PXDNL: variants seen among roughly 807,000 people sequenced by gnomAD.
PXDNL encodes the protein peroxidasin like.
In PXDNL, 145 loss-of-function variants were observed where a neutral mutation model predicts 150.8. The ratio of observed to expected loss-of-function variants is 0.96; its 90% CI spans 0.84 to 1.10. The LOEUF is 1.10. Ranked by LOEUF, PXDNL falls within the 50% of genes least tolerant of loss-of-function variation. The probability of loss-of-function intolerance (pLI) is 0.00; values close to 1 mark genes in which losing one functional copy is unlikely to be tolerated. For synonymous variants in PXDNL, 757 were observed against 725.7 expected (o/e 1.04, Z -0.69); for missense variants, 2,087 against 1,873.9 (o/e 1.11, Z -2.10).
intron 4 of PXDNL, among the ~76,000 whole-genome samples, chr8:51,511,282 G>A (rs961043537): frequency 6.6e-6 from 1 of 152,228 alleles, no homozygotes; most frequent in African/African-American, 2.4e-5. Context: ...CATAGCAGAA[G>A]TCCAAGGCAA....
chr8:51,794,433 T>C (rs773966552), intron 1 of PXDNL, among the ~76,000 whole-genome samples: 5 of 152,012 alleles, frequency 3.3e-5, no homozygotes, highest in Non-Finnish European at 5.9e-5. Flanking sequence ...AGGTCCCCTA[T>C]GAAGGGAAGC....
chr8:51,429,130 A>T (rs1422609521), intron 12 of PXDNL, among the ~76,000 whole-genome samples: 1 of 152,230 alleles, frequency 6.6e-6, no homozygotes, highest in Admixed American at 6.5e-5. Context: ...CCACAATGTG[A>T]TATTACTACA....
chr8:51,809,329 A>G lies in PXDNL; in HGVS notation c.16T>C (p.Phe6Leu), dbSNP rs1181431468. 1.9e-6 allele frequency: 3 copies of G among 1,559,774 alleles called. No homozygotes were observed. Among genetic ancestry groups the G allele is most frequent in the Admixed American group, 2.0e-5 (1 of 51,134 alleles). The stretch of plus-strand genomic sequence containing the variant: ...AGGAGAAAGAGAGTGGTCCAGCAGA[A>G]CAGTCTGGGCTCCATCGCTCCATTC... MEPRLFCWTTLFLLAG... is the reference protein window; with the variant it reads MEPRLLCWTTLFLLAG... The change falls in exon 1 of 23, where the codon TTC becomes CTC. Residue 6 changes from phenylalanine to leucine, a missense_variant. Transcript: ENST00000356297.
At chr8:51,494,525 T>C (rs980665019) in intron 5 of PXDNL, among the ~76,000 whole-genome samples, 10 of 152,042 alleles carry the variant, frequency 6.6e-5, no homozygotes, top group African/African-American at 9.7e-5. Context: ...GTGCTGTATT[T>C]AGCAAACCCA....
chr8:51,453,501 G>C lies in PXDNL; in HGVS notation c.1249+18C>G. On this transcript the variant is annotated intron_variant, in intron 10 of 22. Transcript: ENST00000356297. The stretch of plus-strand genomic sequence containing the variant: ...GTGGCAGGAGGAACATTTCAATCAT[G>C]ACCTTCTGCTCCCATACCTTGTACA... 1 of 1,609,784 alleles carries C rather than the reference G, an allele frequency of 6.2e-7. No individual in the cohort carries two copies. The highest frequency in any genetic ancestry group is 8.5e-7 in the Non-Finnish European group (1 of 1,176,354).
At chr8:51,446,865 A>C in intron 12 of PXDNL, 139 bp downstream of exon 12, 3 of 501,138 alleles carry the variant, frequency 6.0e-6, no homozygotes, top group Non-Finnish European at 9.9e-6. Context: ...GGAAGAAGAT[A>C]TCAAATTTGC....
chr8:51,363,226 T>A (rs1806808142), intron 19 of PXDNL, among the ~76,000 whole-genome samples: 1 of 152,010 alleles, frequency 6.6e-6, no homozygotes, highest in African/African-American at 2.4e-5. Context: ...CCCTTCATAG[T>A]CCTCCTGGGT....
At chr8:51,555,900 G>A (rs1812589446) in intron 4 of PXDNL, among the ~76,000 whole-genome samples, 2 of 152,132 alleles carry the variant, frequency 1.3e-5, no homozygotes, top group Non-Finnish European at 2.9e-5. Flanking sequence ...CTGAAATTAT[G>A]ATGGTGAATC....
At chr8:51,416,635 C>T (rs1454341291) in intron 14 of PXDNL, among the ~76,000 whole-genome samples, 1 of 152,178 alleles carries the variant, frequency 6.6e-6, no homozygotes, top group Non-Finnish European at 1.5e-5. Context: ...AACCTATAGG[C>T]AATCTGTATC....
At chr8:51,470,701 C>T (rs529955708) in intron 8 of PXDNL, among the ~76,000 whole-genome samples, 10 of 152,110 alleles carry the variant, frequency 6.6e-5, no homozygotes, top group Non-Finnish European at 1.5e-4. Flanking sequence ...AATATCTGAT[C>T]TTTGACAAAC....
intron 2 of PXDNL, among the ~76,000 whole-genome samples, chr8:51,610,954 C>G (rs1313078505): frequency 6.6e-6 from 1 of 152,156 alleles, no homozygotes; most frequent in East Asian, 1.9e-4. Flanking sequence ...AAAAATCTCT[C>G]CATCTTTGCA....
chr8:51,403,860 C>G (rs2082279), intron 17 of PXDNL, among the ~76,000 whole-genome samples: 125,241 of 152,166 alleles, frequency 0.82, 51,687 homozygotes, highest in East Asian at 0.94. Flanking sequence ...CAAGAATGAA[C>G]TTGCGGACCC....
rs1811356097 is a variant in PXDNL, at chr8:51,509,207, T to A, written c.381-9437A>T. On this transcript the variant is annotated intron_variant, in intron 4 of 22. Coordinates refer to ENST00000356297, the MANE Select transcript of PXDNL (RefSeq NM_144651.5). ...TTAGCTTGACTTGGCCATTTCACAA[T>A]GTATACATGTATCTAAGCATCATGT... is the stretch of plus-strand genomic sequence containing the variant. Among the ~76,000 whole-genome samples the A allele has an allele frequency of 2.0e-5, 3 of 152,184 alleles. No homozygotes were observed. In the South Asian group the frequency reaches 6.2e-4, roughly 32 times the overall value.
chr8:51,565,805 A>C (rs1219957112), intron 3 of PXDNL, among the ~76,000 whole-genome samples: 4 of 151,876 alleles, frequency 2.6e-5, no homozygotes, highest in African/African-American at 4.8e-5. Context: ...CATCCCTAAG[A>C]TATCTCATTA....
chr8:51,738,873 T>A (rs2036868331), intron 1 of PXDNL, among the ~76,000 whole-genome samples: 1 of 151,832 alleles, frequency 6.6e-6, no homozygotes, highest in African/African-American at 2.4e-5. Flanking sequence ...AGAGAACACA[T>A]CTCCACTTAC....
chr8:51,621,504 A>G (rs2130735718), intron 2 of PXDNL, among the ~76,000 whole-genome samples: 1 of 151,832 alleles, frequency 6.6e-6, no homozygotes. Context: ...AAAGCGTTAT[A>G]TAGTGCAGCA....
chr8:51,446,900 A>G, intron 12 of PXDNL, 104 bp downstream of exon 12: 1 of 825,572 alleles, frequency 1.2e-6, no homozygotes, highest in Non-Finnish European at 1.9e-6. Context: ...ATGACTATAT[A>G]TATATATATA....
At chr8:51,490,199 C>T (rs1470997166) in intron 5 of PXDNL, among the ~76,000 whole-genome samples, 1 of 152,074 alleles carries the variant, frequency 6.6e-6, no homozygotes, top group East Asian at 1.9e-4. Flanking sequence ...ATTTAAATCA[C>T]ACAAGAAAAT....
intron 1 of PXDNL, among the ~76,000 whole-genome samples, chr8:51,738,865 A>G (rs547494917): frequency 6.6e-6 from 1 of 152,330 alleles, no homozygotes; most frequent in African/African-American, 2.4e-5. Context: ...AGGAGACTAG[A>G]GAACACATCT....
Sources: allele counts gnomAD v4.1 joint callset (sites outside exome capture counted in the v4.1 genomes callset), GRCh38; gene constraint gnomAD v4.1.1; transcripts MANE v1.5; gene names NCBI Gene and HGNC (gene_info 2026-07-23, HGNC 2026-07-21).